The following CENPP variants were observed in gnomAD, a reference collection of about 807,000 sequenced individuals.
CENPP encodes centromere protein P.
CENPP carries 24 observed loss-of-function variants against 35.6 expected under a neutral mutation model. That is an observed-to-expected ratio of 0.67 (90% CI 0.49 to 0.95). CENPP has a LOEUF of 0.95. Ranked by LOEUF, CENPP falls within the 40% of genes least tolerant of loss-of-function variation. The pLI is 0.00. For synonymous variants in CENPP, 120 were observed against 125.5 expected, an observed-to-expected ratio of 0.96 and a Z score of 0.29; for missense variants, 332 against 345.3, an observed-to-expected ratio of 0.96 and a Z score of 0.31.
chr9:92,512,224 G>T, intron 5 of CENPP: 1 of 672,048 alleles, frequency 1.5e-6, no homozygotes, highest in Non-Finnish European at 2.5e-6. Flanking sequence ...AGAGAGCTTT[G>T]TCTGGAGGAG....
At chr9:92,418,480 G>A (rs1843688573) in intron 5 of CENPP, among the ~76,000 whole-genome samples, 1 of 151,870 alleles carries the variant, frequency 6.6e-6, no homozygotes, top group Non-Finnish European at 1.5e-5. Flanking sequence ...TCTTTTAAGA[G>A]TCCCAGTTTC....
At chr9:92,532,315 A>G (rs932153769) in intron 5 of CENPP, among the ~76,000 whole-genome samples, 8 of 151,966 alleles carry the variant, frequency 5.3e-5, no homozygotes, top group Non-Finnish European at 1.2e-4. Flanking sequence ...CACTCTGTAT[A>G]CAAAGATATA....
rs551477415 is a variant in CENPP, at chr9:92,447,768, G to C, written c.564+67909G>C. Among the ~76,000 whole-genome samples the C allele has an allele frequency of 2.6e-4, 39 of 152,318 alleles. No individual in the cohort carries two copies. In the South Asian group the frequency reaches 7.9e-3, roughly 31 times the overall value. On this transcript the variant is annotated intron_variant, in intron 5 of 7. Transcript: ENST00000375587. ...GACTTGGCACCTGGTTGTCCGTAGA[G>C]ATGCAGGAAGGTTAGAAATCAGCTG...
At chr9:92,427,881 T>C (rs1169008854) in intron 5 of CENPP, among the ~76,000 whole-genome samples, 2 of 152,032 alleles carry the variant, frequency 1.3e-5, no homozygotes, top group Admixed American at 1.3e-4. Context: ...GGTATCAGAG[T>C]GGTGACAGGC....
At chr9:92,424,026 T>C (rs1369654000) in intron 5 of CENPP, among the ~76,000 whole-genome samples, 1 of 152,212 alleles carries the variant, frequency 6.6e-6, no homozygotes, top group East Asian at 1.9e-4. Context: ...ACTACTTTAT[T>C]TGAACATTTT....
At chr9:92,470,587 A>C in intron 5 of CENPP, 1 of 713,172 alleles carries the variant, frequency 1.4e-6, no homozygotes, top group South Asian at 2.4e-5. Context: ...ACTTGTTTAT[A>C]CTAACATAGT....
At chr9:92,438,960 A>G (rs1182303994) in intron 5 of CENPP, among the ~76,000 whole-genome samples, 1 of 152,204 alleles carries the variant, frequency 6.6e-6, no homozygotes, top group Non-Finnish European at 1.5e-5. Flanking sequence ...CAGTCAATCA[A>G]TCGGTCAATC....
chr9:92,609,047 G>A (rs562800492), intron 5 of CENPP, among the ~76,000 whole-genome samples: 5 of 152,340 alleles, frequency 3.3e-5, no homozygotes, highest in African/African-American at 7.2e-5. Context: ...TCTCCCTTAC[G>A]GTCCTCATGC....
chr9:92,518,548 G>C (rs1034952205), intron 5 of CENPP, among the ~76,000 whole-genome samples: 4 of 152,038 alleles, frequency 2.6e-5, no homozygotes, highest in Non-Finnish European at 4.4e-5. Context: ...TGTCTTTTAT[G>C]GTTTATTATG....
chr9:92,367,146 G>A (rs1303081373), intron 4 of CENPP, among the ~76,000 whole-genome samples: 1 of 152,050 alleles, frequency 6.6e-6, no homozygotes, highest in Non-Finnish European at 1.5e-5. Flanking sequence ...AACTGTGGAG[G>A]AAACGTTTAT....
At chr9:92,611,485 C>G in intron 6 of CENPP, 92 bp downstream of exon 6, 1 of 972,048 alleles carries the variant, frequency 1.0e-6, no homozygotes, top group South Asian at 1.5e-5. Context: ...AAGTAGTAAA[C>G]TACCTAACCA....
chr9:92,600,631 G>A, intron 5 of CENPP: 12 of 1,499,436 alleles, frequency 8.0e-6, no homozygotes, highest in Admixed American at 2.2e-5. Flanking sequence ...GTCATGCCCT[G>A]GTCGGCCATC....
intron 5 of CENPP, among the ~76,000 whole-genome samples, chr9:92,438,281 T>C (rs1844297083): frequency 6.6e-6 from 1 of 152,354 alleles, no homozygotes; most frequent in African/African-American, 2.4e-5. Flanking sequence ...GGTGTGAGGT[T>C]AGGATCTAAG....
intron 5 of CENPP, chr9:92,464,844 T>G: frequency 9.1e-7 from 1 of 1,097,802 alleles, no homozygotes; most frequent in South Asian, 1.2e-5. Flanking sequence ...CTGCACAGTT[T>G]ACAATATTAG....
intron 5 of CENPP, chr9:92,459,691 A>C (rs754369253): frequency 1.2e-6 from 2 of 1,613,034 alleles, no homozygotes; most frequent in African/African-American, 1.3e-5. Context: ...TTGTTTTCCA[A>C]ATGTATTTCT....
At chr9:92,575,429 A>C (rs755394723) in intron 5 of CENPP, among the ~76,000 whole-genome samples, 2 of 152,222 alleles carry the variant, frequency 1.3e-5, no homozygotes, top group African/African-American at 4.8e-5. Flanking sequence ...ACAAATGGCC[A>C]TTAAGTACAT....
intron 5 of CENPP, among the ~76,000 whole-genome samples, chr9:92,498,026 A>G (rs571322222): frequency 3.7e-4 from 56 of 152,230 alleles, no homozygotes; most frequent in African/African-American, 1.3e-3. Context: ...GTGCCGTGCT[A>G]CTTGCACAGC....
chr9:92,421,976 A>G (rs1217637371), intron 5 of CENPP, among the ~76,000 whole-genome samples: 2 of 152,172 alleles, frequency 1.3e-5, no homozygotes, highest in African/African-American at 4.8e-5. Context: ...AATATTCTAT[A>G]CATTTTATAC....
At chr9:92,450,417 A>G (rs1218267210) in intron 5 of CENPP, among the ~76,000 whole-genome samples, 1 of 152,020 alleles carries the variant, frequency 6.6e-6, no homozygotes, top group Admixed American at 6.6e-5. Context: ...CCTACAAAGG[A>G]CATGAACTCA....
Sources: gnomAD v4.1 joint callset for allele counts (sites outside exome capture counted in the v4.1 genomes callset) on GRCh38, gnomAD v4.1.1 for gene constraint, MANE v1.5 for transcripts, NCBI Gene and HGNC (gene_info 2026-07-23, HGNC 2026-07-21) for gene names.